SH3RF1: variants seen among roughly 807,000 people sequenced by gnomAD.
The protein encoded by SH3RF1 is E3 ubiquitin-protein ligase SH3RF1.
Under a neutral mutation model 74.0 loss-of-function variants are expected in SH3RF1, and 32 were observed. That is an observed-to-expected ratio of 0.43 (90% CI 0.33 to 0.58). The LOEUF is 0.58. Ranked by LOEUF, SH3RF1 falls within the 20% of genes least tolerant of loss-of-function variation. SH3RF1 has a pLI of 0.05. For synonymous variants in SH3RF1, 396 were observed against 439.6 expected, an observed-to-expected ratio of 0.90 and a Z score of 1.24; for missense variants, 954 against 1,130.9, an observed-to-expected ratio of 0.84 and a Z score of 2.24.
At chr4:169,248,339 G>T (rs1454907878) in intron 2 of SH3RF1, among the ~76,000 whole-genome samples, 1 of 152,106 alleles carries the variant, frequency 6.6e-6, no homozygotes, top group Non-Finnish European at 1.5e-5. Flanking sequence ...TCCTTTGCAG[G>T]GACATGGATG....
At chr4:169,218,306 T>G (rs1730499069) in intron 2 of SH3RF1, among the ~76,000 whole-genome samples, 1 of 96,834 alleles carries the variant, frequency 1.0e-5, no homozygotes, top group African/African-American at 3.0e-5. Flanking sequence ...AATATAAATA[T>G]AGAATATAGA....
intron 2 of SH3RF1, among the ~76,000 whole-genome samples, chr4:169,223,398 G>A (rs1188417738): frequency 6.6e-6 from 1 of 152,166 alleles, no homozygotes; most frequent in Non-Finnish European, 1.5e-5. Context: ...GGCTAAAATG[G>A]CCCTAAAAGG....
intron 2 of SH3RF1, among the ~76,000 whole-genome samples, chr4:169,223,407 G>C (rs971872227): frequency 2.0e-5 from 3 of 152,156 alleles, no homozygotes; most frequent in African/African-American, 7.2e-5. Flanking sequence ...GGCCCTAAAA[G>C]GATGGGTAGG....
intron 2 of SH3RF1, among the ~76,000 whole-genome samples, chr4:169,187,516 CTGTGTGTGTGTGTGTGTGTGTGTGTG>C (rs60705711): frequency 9.6e-4 from 139 of 144,178 alleles, no homozygotes; most frequent in African/African-American, 2.1e-3. Context: ...CAACGAATTT[CTGTGTGTGTGTGTGTGTGTGTGTGTG>C]TGTGTGTGTG....
chr4:169,253,497 T>TAAG (rs1731136928), intron 2 of SH3RF1, among the ~76,000 whole-genome samples: 1 of 152,202 alleles, frequency 6.6e-6, no homozygotes. Flanking sequence ...TTGGAAAGGA[T>TAAG]CCCTTGGGAC....
At chr4:169,103,695 A>G (rs1056134930) in intron 11 of SH3RF1, among the ~76,000 whole-genome samples, 16 of 152,148 alleles carry the variant, frequency 1.1e-4, no homozygotes, top group African/African-American at 3.6e-4. Flanking sequence ...TGTTATTTTT[A>G]CTGTGAGACA....
intron 5 of SH3RF1, among the ~76,000 whole-genome samples, chr4:169,131,849 T>C (rs901683500): frequency 6.6e-6 from 1 of 152,220 alleles, no homozygotes; most frequent in Admixed American, 6.5e-5. Flanking sequence ...AAGTCTTTGT[T>C]TGCATAGAAG....
chr4:169,094,535 G>C lies in SH3RF1; in HGVS notation c.*1984C>G, dbSNP rs1732879935. On this transcript the variant is annotated 3_prime_UTR_variant, in exon 12 of 12. Transcript: ENST00000284637. ...CACATAGCTTAAAATATGGAGAAAA[G>C]ACAGGTAAAAAAATTATCTTAACCT... The C allele has an allele frequency of 1.3e-5, 2 of 151,984 alleles. No individual in the cohort carries two copies. The highest frequency in any genetic ancestry group is 2.4e-5 in the African/African-American group (1 of 41,388). 9.4% of individuals were successfully genotyped at this position (151,984 alleles called of 1,614,324 possible).
chr4:169,178,371 G>GCTTAT (rs1295207700), intron 2 of SH3RF1, among the ~76,000 whole-genome samples: 10 of 59,418 alleles, frequency 1.7e-4, no homozygotes, highest in South Asian at 5.5e-4. Flanking sequence ...AATAAGCATT[G>GCTTAT]TTATGTTTTG....
At chr4:169,201,653 T>TTATA (rs1270145719) in intron 2 of SH3RF1, 2 of 152,222 alleles carry the variant, frequency 1.3e-5, no homozygotes, top group Non-Finnish European at 2.9e-5. Flanking sequence ...CCAGTCAAAG[T>TTATA]TATAATTTTG....
chr4:169,268,215 A>G (rs1197800554), intron 2 of SH3RF1, among the ~76,000 whole-genome samples: 1 of 152,198 alleles, frequency 6.6e-6, no homozygotes, highest in Non-Finnish European at 1.5e-5. Flanking sequence ...CATTCACTAT[A>G]AAGCCCAACA....
chr4:169,265,669 C>T (rs1438874691), intron 2 of SH3RF1, among the ~76,000 whole-genome samples: 1 of 152,050 alleles, frequency 6.6e-6, no homozygotes, highest in East Asian at 1.9e-4. Flanking sequence ...GACGGGGTTT[C>T]ACCATGTTGA....
intron 2 of SH3RF1, among the ~76,000 whole-genome samples, chr4:169,246,394 T>A (rs570687039): frequency 2.6e-5 from 4 of 152,338 alleles, no homozygotes; most frequent in African/African-American, 7.2e-5. Flanking sequence ...ATCACTGAAG[T>A]ATCAAACTGA....
intron 4 of SH3RF1, among the ~76,000 whole-genome samples, chr4:169,138,368 C>T (rs948469603): frequency 5.9e-5 from 9 of 152,216 alleles, no homozygotes; most frequent in Admixed American, 1.3e-4. Flanking sequence ...TACTTCATCT[C>T]CTCCATCCCA....
chr4:169,267,877 C>A (rs558935953), intron 2 of SH3RF1, among the ~76,000 whole-genome samples: 1 of 152,204 alleles, frequency 6.6e-6, no homozygotes. Flanking sequence ...TCTTTAAAAG[C>A]AGATTTTACC....
intron 11 of SH3RF1, among the ~76,000 whole-genome samples, chr4:169,102,110 C>T (rs547843272): frequency 2.0e-5 from 3 of 152,194 alleles, no homozygotes; most frequent in Non-Finnish European, 4.4e-5. Context: ...CTCAGTTCAT[C>T]ACTCTGACCT....
chr4:169,099,022 A>G (rs1342527730), intron 11 of SH3RF1, among the ~76,000 whole-genome samples: 2 of 152,214 alleles, frequency 1.3e-5, no homozygotes, highest in African/African-American at 4.8e-5. Flanking sequence ...TCAGGCCACA[A>G]CTCAGGCCTC....
At chr4:169,098,713 G>A (rs565053937) in intron 11 of SH3RF1, among the ~76,000 whole-genome samples, 1 of 152,342 alleles carries the variant, frequency 6.6e-6, no homozygotes, top group Admixed American at 6.5e-5. Context: ...AAGGAAGCAT[G>A]ACACAGCGGG....
intron 2 of SH3RF1, 70 bp downstream of exon 2, chr4:169,268,750 G>C: frequency 6.7e-7 from 1 of 1,489,824 alleles, no homozygotes. Context: ...AAAACACCAA[G>C]CTAAAGAATA....
Sources: allele counts gnomAD v4.1 joint callset (sites outside exome capture counted in the v4.1 genomes callset), GRCh38; gene constraint gnomAD v4.1.1; transcripts MANE v1.5; gene names NCBI Gene and HGNC (gene_info 2026-07-23, HGNC 2026-07-21).